Variants in RBFOX1 observed in about 807,000 individuals in gnomAD.
The protein encoded by RBFOX1 is RNA binding fox-1 homolog 1, also known as RNA binding protein fox-1 homolog 1.
Under a neutral mutation model 57.7 loss-of-function variants are expected in RBFOX1, and 8 were observed. The observed-to-expected ratio is 0.14, with a 90% CI of 0.08 to 0.25. RBFOX1 has a LOEUF of 0.25. RBFOX1 is among the 10% of genes least tolerant of loss of function. The pLI, the probability that RBFOX1 is intolerant of heterozygous loss-of-function variation, is 1.00. For synonymous variants in RBFOX1, 326 were observed against 222.4 expected (o/e 1.47, Z -4.15); for missense variants, 611 against 548.5 (o/e 1.11, Z -1.14).
At position 7,439,462 on chromosome 16, in the gene RBFOX1, G is replaced by C. The variant is rs1297802857; in HGVS notation, c.28-78685G>C. On this transcript the variant is annotated intron_variant, in intron 4 of 15. Transcript: ENST00000550418. ...AAAACAAATCATTTGTATTCTTCTT[G>C]TCTGGACACAATTTTTAACCCAGAA... Among the ~76,000 whole-genome samples the C allele has an allele frequency of 2.6e-5, 4 of 151,986 alleles. No individual in the cohort carries two copies. The East Asian group carries it at 7.7e-4, about 29-fold the overall frequency.
At chr16:5,245,014 TGG>T (rs1160924534) in intron 1 of RBFOX1, among the ~76,000 whole-genome samples, 2 of 152,256 alleles carry the variant, frequency 1.3e-5, no homozygotes, top group South Asian at 4.1e-4. Flanking sequence ...GGAAAGGCTT[TGG>T]ACCATAGGGA....
rs149620333 is a variant in RBFOX1 at position 7,671,064 on chromosome 16, C to G, written c.931-5710C>G. 2.1e-3 allele frequency among the ~76,000 whole-genome samples: 327 copies of G among 152,258 alleles called. 2 individuals carry two copies. Among genetic ancestry groups the G allele is most frequent in the African/African-American group, 7.6e-3 (317 of 41,548 alleles). On this transcript the variant is annotated intron_variant, in intron 13 of 15. Transcript: ENST00000550418. Reference sequence around the variant, plus strand: ...TCAGTGTAATTCATGAATTCATGAACTGCAATTTTGCTGTTAGTTGAAATT... The same window carrying G: ...TCAGTGTAATTCATGAATTCATGAAGTGCAATTTTGCTGTTAGTTGAAATT...
At chr16:5,861,139 A>G (rs1567638883) in intron 3 of RBFOX1, among the ~76,000 whole-genome samples, 1 of 152,208 alleles carries the variant, frequency 6.6e-6, no homozygotes, top group African/African-American at 2.4e-5. Context: ...GAGGTTGAGC[A>G]GAAGTGGATT....
intron 4 of RBFOX1, among the ~76,000 whole-genome samples, chr16:7,438,476 T>G (rs900649894): frequency 6.6e-6 from 1 of 152,064 alleles, no homozygotes; most frequent in Non-Finnish European, 1.5e-5. Context: ...GGCGGGACAA[T>G]AACTGCTCTG....
intron 2 of RBFOX1, among the ~76,000 whole-genome samples, chr16:5,513,208 G>T (rs535268944): frequency 6.6e-6 from 1 of 152,072 alleles, no homozygotes; most frequent in African/African-American, 2.4e-5. Flanking sequence ...CAAGGTACCC[G>T]GCTACTTTCC....
chr16:7,053,657 T>G (rs536560174), intron 4 of RBFOX1, among the ~76,000 whole-genome samples: 13 of 152,308 alleles, frequency 8.5e-5, no homozygotes, highest in African/African-American at 2.9e-4. Flanking sequence ...GAGGGATTAT[T>G]TCCCATTTAT....
At chr16:6,803,468 C>T (rs1881256353) in intron 3 of RBFOX1, among the ~76,000 whole-genome samples, 1 of 152,130 alleles carries the variant, frequency 6.6e-6, no homozygotes, top group South Asian at 2.1e-4. Context: ...TATTACTTTC[C>T]TAGGGACTGA....
chr16:5,297,506 T>C (rs2063697908), intron 1 of RBFOX1, among the ~76,000 whole-genome samples: 1 of 152,194 alleles, frequency 6.6e-6, no homozygotes, highest in South Asian at 2.1e-4. Flanking sequence ...ATTTTAAGAA[T>C]TTTTTATATA....
chr16:6,253,387 T>G (rs2097637479), intron 1 of RBFOX1, among the ~76,000 whole-genome samples: 1 of 152,180 alleles, frequency 6.6e-6, no homozygotes, highest in Non-Finnish European at 1.5e-5. Context: ...CATGAACTCC[T>G]GGGGAACTCA....
At chr16:6,107,673 G>A (rs986670032) in intron 1 of RBFOX1, among the ~76,000 whole-genome samples, 1 of 147,492 alleles carries the variant, frequency 6.8e-6, no homozygotes, top group Non-Finnish European at 1.5e-5. Flanking sequence ...AGATGCATGG[G>A]TGGATGGATA....
At chr16:6,334,700 C>G (rs2083426701) in intron 2 of RBFOX1, among the ~76,000 whole-genome samples, 1 of 152,112 alleles carries the variant, frequency 6.6e-6, no homozygotes, top group African/African-American at 2.4e-5. Flanking sequence ...TGCCAGTTCT[C>G]ATTCGCAGAG....
chr16:7,621,914 T>C (rs1158286346), intron 10 of RBFOX1, among the ~76,000 whole-genome samples: 2 of 152,240 alleles, frequency 1.3e-5, no homozygotes, highest in Non-Finnish European at 2.9e-5. Flanking sequence ...AAAGCAGCCA[T>C]ACACAAAAAT....
intron 2 of RBFOX1, among the ~76,000 whole-genome samples, chr16:5,583,561 G>C (rs2046742057): frequency 2.6e-5 from 4 of 152,264 alleles, no homozygotes; most frequent in African/African-American, 9.6e-5. Flanking sequence ...CTGTGATTCT[G>C]GAGGCTGCCT....
At chr16:6,412,029 G>A (rs1314563127) in intron 2 of RBFOX1, among the ~76,000 whole-genome samples, 4 of 151,928 alleles carry the variant, frequency 2.6e-5, no homozygotes, top group African/African-American at 7.3e-5. Flanking sequence ...CCACTCAGGA[G>A]GCTGAGGCAG....
intron 2 of RBFOX1, among the ~76,000 whole-genome samples, chr16:6,456,449 T>C (rs986131656): frequency 2.0e-5 from 3 of 152,196 alleles, no homozygotes; most frequent in Non-Finnish European, 4.4e-5. Flanking sequence ...GCTGCGATTA[T>C]TCAAGTTTAT....
chr16:7,261,213 T>G lies in RBFOX1; in HGVS notation c.27+209115T>G, dbSNP rs184714878. 2.0e-5 allele frequency among the ~76,000 whole-genome samples: 3 copies of G among 152,340 alleles called. No homozygotes were observed. In the East Asian group the frequency reaches 5.8e-4, roughly 29 times the overall value. ...GTGAATTTGGGTAAGTCACTTAGCTTCTCTGAGCCTTAGCTTTCAACTTTG... is the reference window on the plus strand; with the variant it reads ...GTGAATTTGGGTAAGTCACTTAGCTGCTCTGAGCCTTAGCTTTCAACTTTG... On this transcript the variant is annotated intron_variant, in intron 4 of 15. Transcript: ENST00000550418.
chr16:5,368,983 A>G (rs558428648), intron 1 of RBFOX1, among the ~76,000 whole-genome samples: 1 of 152,334 alleles, frequency 6.6e-6, no homozygotes, highest in African/African-American at 2.4e-5. Context: ...AAAGCATTGA[A>G]GAAATGAAGA....
intron 2 of RBFOX1, among the ~76,000 whole-genome samples, chr16:6,509,525 A>C (rs184058785): frequency 6.6e-6 from 1 of 152,312 alleles, no homozygotes; most frequent in East Asian, 1.9e-4. Context: ...AAGGATGGTT[A>C]CCAGAGGCCA....
chr16:6,613,398 G>A (rs929172434), intron 2 of RBFOX1, among the ~76,000 whole-genome samples: 6 of 152,148 alleles, frequency 3.9e-5, no homozygotes, highest in South Asian at 2.1e-4. Flanking sequence ...AGGACAAAGC[G>A]GGGGAATGAT....
Sources: allele counts gnomAD v4.1 joint callset (sites outside exome capture counted in the v4.1 genomes callset), GRCh38; gene constraint gnomAD v4.1.1; transcripts MANE v1.5; gene names NCBI Gene and HGNC (gene_info 2026-07-23, HGNC 2026-07-21).